The following OCA2 variants were observed in gnomAD, a reference collection of about 807,000 sequenced individuals.
OCA2 encodes the protein OCA2 melanosomal transmembrane protein.
OCA2 carries 77 observed loss-of-function variants against 100.2 expected under a neutral mutation model. The observed-to-expected ratio is 0.77, with a 90% confidence interval of 0.64 to 0.93. OCA2 has a LOEUF of 0.93. OCA2 is among the 40% of genes least tolerant of loss of function. The probability of loss-of-function intolerance (pLI) is 0.00; values close to 1 mark genes in which losing one functional copy is unlikely to be tolerated. For synonymous variants in OCA2, 432 were observed against 439.2 expected, an observed-to-expected ratio of 0.98 and a Z score of 0.21; for missense variants, 1,062 against 1,089.1, an observed-to-expected ratio of 0.98 and a Z score of 0.35.
At chr15:28,050,349 G>A (rs954441289) in intron 2 of OCA2, among the ~76,000 whole-genome samples, 2 of 152,078 alleles carry the variant, frequency 1.3e-5, no homozygotes, top group African/African-American at 2.4e-5. Flanking sequence ...ACCTGAGGTC[G>A]AGTTCGAGAC....
chr15:27,764,221 A>G (rs1459745344), intron 23 of OCA2, among the ~76,000 whole-genome samples: 1 of 148,918 alleles, frequency 6.7e-6, no homozygotes, highest in Admixed American at 6.7e-5. Context: ...GAAGAGAGAG[A>G]GGGGAAAATA....
chr15:27,941,426 T>A (rs1042745301), intron 18 of OCA2, among the ~76,000 whole-genome samples: 10 of 152,336 alleles, frequency 6.6e-5, no homozygotes, highest in African/African-American at 2.4e-4. Flanking sequence ...CTTACTGTTA[T>A]ATGCAGACCT....
At chr15:27,737,749 G>T in the OCA2 span, among the ~76,000 whole-genome samples, 12 of 152,282 alleles carry the variant, frequency 7.9e-5, no homozygotes, top group Admixed American at 6.5e-4. Context: ...AAATTGGACT[G>T]CCTTAAAATT....
chr15:28,014,902 G>T lies in OCA2; in HGVS notation c.918C>A (p.Ala306=), dbSNP rs1359338165. The stretch of plus-strand genomic sequence containing the variant: ...GGACAGCCTGGGTCTGCTGCAGGGA[G>T]GCCCGGATGCTGATGGACACCGTCT... The part of the protein sequence containing the change: ...TRETVSISIR[A]SLQQTQAVPL... The change falls in exon 9 of 24, where the codon GCC becomes GCA. Residue 306 remains alanine (A), a synonymous_variant. Coordinates refer to ENST00000354638, the MANE Select transcript of OCA2 (RefSeq NM_000275.3). The T allele has an allele frequency of 6.2e-7, 1 of 1,614,048 alleles. No homozygotes were observed. The highest frequency in any genetic ancestry group is 8.5e-7 in the Non-Finnish European group (1 of 1,180,048).
At chr15:28,018,731 C>T (rs2042487363) in intron 6 of OCA2, among the ~76,000 whole-genome samples, 174 bp from the exon 7 acceptor site, 1 of 152,204 alleles carries the variant, frequency 6.6e-6, no homozygotes, top group African/African-American at 2.4e-5. Context: ...CACATCTCAG[C>T]CCTCATTCAA....
intron 14 of OCA2, among the ~76,000 whole-genome samples, chr15:27,973,044 A>T: frequency 6.6e-6 from 1 of 151,224 alleles, no homozygotes. Context: ...TTTTTATTTT[A>T]TTTTTAGTAG....
chr15:27,765,889 C>G (rs747522873), intron 23 of OCA2, among the ~76,000 whole-genome samples: 36 of 152,294 alleles, frequency 2.4e-4, no homozygotes, highest in Non-Finnish European at 4.1e-4. Flanking sequence ...TTTATTGCAA[C>G]CTGTTTTATC....
intron 3 of OCA2, among the ~76,000 whole-genome samples, chr15:28,029,385 AAC>A (rs1256663796): frequency 2.0e-5 from 3 of 152,346 alleles, no homozygotes; most frequent in African/African-American, 7.2e-5. Context: ...TGCTGAAAAA[AAC>A]ACAACTGTAA....
intron 18 of OCA2, among the ~76,000 whole-genome samples, chr15:27,937,454 T>C (rs2039497948): frequency 6.6e-6 from 1 of 152,224 alleles, no homozygotes; most frequent in East Asian, 1.9e-4. Context: ...ATATACATTG[T>C]TCTAAACTTT....
intron 21 of OCA2, among the ~76,000 whole-genome samples, chr15:27,861,422 G>A (rs1287603395): frequency 6.6e-6 from 1 of 152,150 alleles, no homozygotes; most frequent in African/African-American, 2.4e-5. Context: ...GCTGTGGATG[G>A]CACTTGGAGT....
downstream of OCA2, among the ~76,000 whole-genome samples, chr15:27,754,251 C>T (rs1341337360): frequency 1.3e-5 from 2 of 152,162 alleles, no homozygotes; most frequent in Non-Finnish European, 2.9e-5. Context: ...TGTTGCCATT[C>T]GACAATACAG....
Position 27,913,912 on chromosome 15 carries a change from CAAGCAAGCAAGCAAGCAAGA to C in OCA2, c.2079+12195_2079+12214del, listed in dbSNP as rs1316650246. ...GAAAGAAAGCAAGCAAGCAAGCAAG[CAAGCAAGCAAGCAAGCAAGA>C]AAGAAAGAAAAAAATTTCAGGCCAA... On this transcript the variant is annotated intron_variant, in intron 19 of 23. Coordinates refer to ENST00000354638, the MANE Select transcript of OCA2 (RefSeq NM_000275.3). 5.0e-3 allele frequency among the ~76,000 whole-genome samples: 281 copies of C among 56,352 alleles called. 7 individuals are homozygous for C. Among genetic ancestry groups the C allele is most frequent in the African/African-American group, 0.019 (239 of 12,610 alleles). 37.0% of individuals were successfully genotyped at this position (56,352 alleles called of 152,430 possible).
intron 2 of OCA2, among the ~76,000 whole-genome samples, chr15:28,046,013 G>T (rs149136731): frequency 1.1e-4 from 16 of 152,120 alleles, no homozygotes. Flanking sequence ...GAGATGGCTC[G>T]CTGGTTAGGG....
At chr15:27,921,291 A>C (rs1442806876) in intron 19 of OCA2, among the ~76,000 whole-genome samples, 1 of 152,220 alleles carries the variant, frequency 6.6e-6, no homozygotes, top group Non-Finnish European at 1.5e-5. Context: ...ACCCGAAGTC[A>C]GAATGACAGA....
chr15:28,050,624 C>T, intron 2 of OCA2, among the ~76,000 whole-genome samples: 1 of 151,344 alleles, frequency 6.6e-6, no homozygotes, highest in South Asian at 2.1e-4. Flanking sequence ...TGGGAATGAG[C>T]ATACGCACGC....
chr15:27,865,942 T>C (rs532593067), intron 21 of OCA2, among the ~76,000 whole-genome samples: 8 of 152,290 alleles, frequency 5.3e-5, no homozygotes, highest in Non-Finnish European at 1.0e-4. Flanking sequence ...GGGGCCCCTC[T>C]GTAGGCAGGA....
At chr15:28,089,947 A>C (rs879436153) in intron 1 of OCA2, among the ~76,000 whole-genome samples, 24 of 152,244 alleles carry the variant, frequency 1.6e-4, no homozygotes, top group Non-Finnish European at 4.4e-5. Context: ...CTAAAATAAA[A>C]GTTGAAAAAT....
In OCA2 at chr15:27,966,033, C is replaced by T. The variant is rs1022846076; in HGVS notation, c.1636+657G>A. Among the ~76,000 whole-genome samples, 3 of 152,096 alleles carry T rather than the reference C, an allele frequency of 2.0e-5. No individual in the cohort carries two copies. In the South Asian group the frequency reaches 6.2e-4, roughly 32 times the overall value. On this transcript the variant is annotated intron_variant, in intron 15 of 23. Coordinates refer to ENST00000354638, the MANE Select transcript of OCA2 (RefSeq NM_000275.3). ...TCGCCCAGGCTGGAGTGCAGTGGCACGATCTTGGCTCACTGCAACCTCCAC... is the reference window on the plus strand; with the variant it reads ...TCGCCCAGGCTGGAGTGCAGTGGCATGATCTTGGCTCACTGCAACCTCCAC...
intron 23 of OCA2, among the ~76,000 whole-genome samples, chr15:27,843,529 G>C (rs1287988456): frequency 1.3e-5 from 2 of 152,192 alleles, no homozygotes; most frequent in South Asian, 4.1e-4. Flanking sequence ...AGAGGCAGAT[G>C]AGAGTCCAAA....
Sources: allele counts gnomAD v4.1 joint callset (sites outside exome capture counted in the v4.1 genomes callset), GRCh38; gene constraint gnomAD v4.1.1; transcripts MANE v1.5; gene names NCBI Gene and HGNC (gene_info 2026-07-23, HGNC 2026-07-21).